COL6A1: variants seen among roughly 807,000 people sequenced by gnomAD.
COL6A1 encodes the protein collagen alpha-1(VI) chain.
A neutral mutation model predicts 145.6 loss-of-function variants in COL6A1; 80 were observed. The ratio of observed to expected loss-of-function variants is 0.55; its 90% CI spans 0.46 to 0.66. COL6A1 has a LOEUF of 0.66. COL6A1 is among the 30% of genes least tolerant of loss of function. The pLI is 0.00. For synonymous variants in COL6A1, 638 were observed against 622.8 expected (o/e 1.02, Z -0.36); for missense variants, 1,364 against 1,473.8 (o/e 0.93, Z 1.22).
At chr21:45,985,911 C>T (rs1232737318) in intron 3 of COL6A1, among the ~76,000 whole-genome samples, 1 of 152,198 alleles carries the variant, frequency 6.6e-6, no homozygotes, top group Non-Finnish European at 1.5e-5. Context: ...GATGTGGCCA[C>T]ACACGTCAGA....
intron 4 of COL6A1, 43 bp from the exon 5 acceptor site, chr21:45,986,901 G>A: frequency 6.5e-7 from 1 of 1,537,368 alleles, no homozygotes; most frequent in Non-Finnish European, 8.7e-7. Context: ...CCGGCCGTCA[G>A]GGGTCCCAGC....
Position 46,003,424 on chromosome 21 carries a change from T to C in COL6A1, c.2498T>C (p.Leu833Pro). ...TFSSPADITI[L>P]LDGSASVGSH... ...TCCTCCCCGGCTGACATCACCATCCTGCTGGACGGCTCCGCCAGCGTGGGC... is the reference window on the plus strand; with the variant it reads ...TCCTCCCCGGCTGACATCACCATCCCGCTGGACGGCTCCGCCAGCGTGGGC... Residue 833 changes from leucine to proline, a missense_variant, in exon 35 of 35, where the codon CTG becomes CCG. Coordinates refer to ENST00000361866, the MANE Select transcript of COL6A1 (RefSeq NM_001848.3). The C allele has an allele frequency of 6.2e-7, 1 of 1,602,524 alleles. No homozygotes were observed. Among genetic ancestry groups the C allele is most frequent in the Non-Finnish European group, 8.5e-7 (1 of 1,179,780 alleles).
chr21:45,997,839 T>C, intron 22 of COL6A1, 77 bp downstream of exon 22: 3 of 1,451,014 alleles, frequency 2.1e-6, no homozygotes, highest in Non-Finnish European at 2.8e-6. Flanking sequence ...CCCCGCACTG[T>C]GGAGCTGCCT....
chr21:46,001,455 G>C, intron 30 of COL6A1, 69 bp downstream of exon 30: 1 of 1,587,412 alleles, frequency 6.3e-7, no homozygotes, highest in Non-Finnish European at 8.6e-7. Flanking sequence ...GCCCCTGCCC[G>C]CGCCAGACCT....
At chr21:45,995,308 G>A (rs1265856811) in intron 20 of COL6A1, among the ~76,000 whole-genome samples, 1 of 152,242 alleles carries the variant, frequency 6.6e-6, no homozygotes, top group Admixed American at 6.5e-5. Flanking sequence ...TGCTCTTTGA[G>A]CTCCCGGGGC....
intron 2 of COL6A1, 22 bp from the exon 3 acceptor site, chr21:45,984,247 C>T: frequency 6.3e-7 from 1 of 1,590,286 alleles, no homozygotes; most frequent in East Asian, 2.3e-5. Context: ...CGCCTCACGC[C>T]CGCCGTGCCT....
intron 30 of COL6A1, 89 bp from the exon 31 acceptor site, chr21:46,001,871 TG>T: frequency 8.6e-7 from 1 of 1,158,888 alleles, no homozygotes; most frequent in Non-Finnish European, 1.3e-6. Flanking sequence ...TGCCACCCTC[TG>T]GGCACCCGCA....
chr21:45,987,721 C>G, intron 8 of COL6A1, 67 bp downstream of exon 8: 1 of 1,530,302 alleles, frequency 6.5e-7, no homozygotes, highest in Non-Finnish European at 8.8e-7. Context: ...AGGACCAAAG[C>G]CTCCTGGGCA....
chr21:45,989,596 C>T lies in COL6A1; in HGVS notation c.859-12C>T, dbSNP rs1293244981. On this transcript the variant is annotated splice_polypyrimidine_tract_variant and intron_variant, in intron 9 of 34. Coordinates refer to ENST00000361866, the MANE Select transcript of COL6A1 (RefSeq NM_001848.3). Reference sequence around the variant, plus strand: ...CTCCGGGGGTGTCTCACCATCTCCTCCTGTGTTCCAGGGAAGACCCGGGGA... The same window carrying T: ...CTCCGGGGGTGTCTCACCATCTCCTTCTGTGTTCCAGGGAAGACCCGGGGA... The T allele has an allele frequency of 1.9e-6, 3 of 1,612,714 alleles. No homozygotes were observed. Among genetic ancestry groups the T allele is most frequent in the East Asian group, 2.2e-5 (1 of 44,868 alleles).
rs527449294 is a variant in COL6A1, at chr21:45,993,058, G to A, written c.1335+248G>A. On this transcript the variant is annotated intron_variant, in intron 19 of 34. Coordinates refer to ENST00000361866, the MANE Select transcript of COL6A1 (RefSeq NM_001848.3). ...CCCGGTGCCCACTTTCCCACCAGGCGGCTTCCACGTTTCTGCATCCGAGCT... is the reference window on the plus strand; with the variant it reads ...CCCGGTGCCCACTTTCCCACCAGGCAGCTTCCACGTTTCTGCATCCGAGCT... 3.3e-5 allele frequency among the ~76,000 whole-genome samples: 5 copies of A among 152,336 alleles called. No homozygotes were observed. In the South Asian group the frequency reaches 1.0e-3, roughly 32 times the overall value.
intron 6 of COL6A1, 92 bp from the exon 7 acceptor site, chr21:45,987,407 C>T (rs2077745741): frequency 1.9e-6 from 3 of 1,574,358 alleles, no homozygotes; most frequent in African/African-American, 1.3e-5. Context: ...GTGTGTCCGT[C>T]TGCCCATGTG....
In COL6A1 at chr21:45,984,212, G is replaced by A. The variant is rs79487056; in HGVS notation, c.228-57G>A. Reference sequence around the variant, plus strand: ...CTGGGTGACGTCGCGCCCTGGGACGGGTAGCGATGGCGCCAGGGGCCGCCC... The same window carrying A: ...CTGGGTGACGTCGCGCCCTGGGACGAGTAGCGATGGCGCCAGGGGCCGCCC... On this transcript the variant is annotated intron_variant, in intron 2 of 34. Transcript: ENST00000361866. The A allele has an allele frequency of 1.5e-3, 2,296 of 1,518,196 alleles. 24 individuals are homozygous for A. The African/African-American group carries it at 0.027, about 18-fold the overall frequency. 94.0% of individuals were successfully genotyped at this position (1,518,196 alleles called of 1,614,324 possible).
At position 45,994,006 on chromosome 21, in the gene COL6A1, C is replaced by G. The variant is rs923933024; in HGVS notation, c.1336-161C>G. Among the ~76,000 whole-genome samples the G allele has an allele frequency of 6.6e-6, 1 of 152,170 alleles. No individual in the cohort carries two copies. The highest frequency in any genetic ancestry group is 1.5e-5 in the Non-Finnish European group (1 of 68,022). On this transcript the variant is annotated intron_variant, in intron 19 of 34. Coordinates refer to ENST00000361866, the MANE Select transcript of COL6A1 (RefSeq NM_001848.3). The surrounding 1 kb of genome is among the most constrained non-coding windows in gnomAD (Gnocchi z 6.8). Reference sequence around the variant, plus strand: ...CACGCCGATGGCCACGCACGTGGGCCGAGGAAACGCTTGGCGAGGCCAGGA... The same window carrying G: ...CACGCCGATGGCCACGCACGTGGGCGGAGGAAACGCTTGGCGAGGCCAGGA...
intron 27 of COL6A1, 31 bp downstream of exon 27, chr21:45,999,723 G>GC: frequency 6.2e-7 from 1 of 1,600,788 alleles, no homozygotes; most frequent in Non-Finnish European, 8.5e-7. Context: ...ATTGCTGGGG[G>GC]CGACCACTGT....
intron 22 of COL6A1, 32 bp downstream of exon 22, chr21:45,997,794 G>T: frequency 6.4e-7 from 1 of 1,560,262 alleles, no homozygotes; most frequent in East Asian, 2.4e-5. Context: ...CCCTAGGGCG[G>T]AGGCCTGGCC....
At chr21:45,995,974 A>G (rs1232827424) in intron 20 of COL6A1, among the ~76,000 whole-genome samples, 1 of 152,162 alleles carries the variant, frequency 6.6e-6, no homozygotes, top group Non-Finnish European at 1.5e-5. Flanking sequence ...AGCCCTTGCC[A>G]GCCTTACCCC....
intron 10 of COL6A1, 28 bp downstream of exon 10, chr21:45,989,680 G>A (rs1313512016): frequency 6.2e-7 from 1 of 1,613,004 alleles, no homozygotes; most frequent in Non-Finnish European, 8.5e-7. Context: ...CCTGGCCCGA[G>A]CCCGGTGGTG....
In COL6A1 at chr21:46,003,816, C is replaced by T. The variant is rs375007666; in HGVS notation, c.2890C>T (p.Arg964Trp). The T allele has an allele frequency of 2.2e-5, 36 of 1,606,256 alleles. No homozygotes were observed. The African/African-American group carries it at 2.7e-4, about 12-fold the overall frequency. ...CGAGAAGGCCGTGCAGGAAGCCCAG[C>T]GGGCAGGCATCGAGATCTTCGTGGT... is the stretch of plus-strand genomic sequence containing the variant. ...AIEKAVQEAQ[R>W]AGIEIFVVVV... The change falls in exon 35 of 35, where the codon CGG becomes TGG. Residue 964 changes from arginine to tryptophan, a missense_variant. Transcript: ENST00000361866.
chr21:45,999,650 C>T lies in COL6A1; in HGVS notation c.1741-7C>T, dbSNP rs771621923. 5.6e-6 allele frequency: 9 copies of T among 1,613,240 alleles called. No homozygotes were observed. The highest frequency in any genetic ancestry group is 1.6e-4 in the Middle Eastern group (1 of 6,082). ...CTCAGAGCTCCTCTACTCCGTTTCT[C>T]GGACAGGGACCCCCAGGACACCAAG... On this transcript the variant is annotated splice_polypyrimidine_tract_variant and splice_region_variant and intron_variant, in intron 26 of 34. Coordinates refer to ENST00000361866, the MANE Select transcript of COL6A1 (RefSeq NM_001848.3).
Sources: gnomAD v4.1 joint callset for allele counts (sites outside exome capture counted in the v4.1 genomes callset) on GRCh38, gnomAD v4.1.1 for gene constraint, Gnocchi (gnomAD v3.1) non-coding constraint, MANE v1.5 for transcripts, NCBI Gene and HGNC (gene_info 2026-07-23, HGNC 2026-07-21) for gene names.